The following NCOR1 variants were observed in gnomAD, a reference collection of about 807,000 sequenced individuals.
The protein encoded by NCOR1 is nuclear receptor corepressor 1.
NCOR1 carries 63 observed loss-of-function variants against 288.1 expected under a neutral mutation model. The observed-to-expected ratio is 0.22, with a 90% CI of 0.18 to 0.27. The LOEUF is 0.27. Among genes scored for constraint, NCOR1 ranks in the 10% least tolerant of loss-of-function variants. The probability of loss-of-function intolerance (pLI) is 1.00; values close to 1 mark genes in which losing one functional copy is unlikely to be tolerated. For synonymous variants in NCOR1, 1,007 were observed against 1,065.9 expected (o/e 0.94, Z 1.08); for missense variants, 2,397 against 3,019.2 (o/e 0.79, Z 4.83).
Position 16,048,942 on chromosome 17 carries a change from AG to A in NCOR1, c.6438del (p.Tyr2147ThrfsTer42). On this transcript the variant is annotated frameshift_variant, in exon 41 of 46. Transcript: ENST00000268712. LOFTEE classifies it high-confidence loss of function. ...ACCTGGGGTGGGGAGATGGGCTCGT[AG>A]GGCTCCGAAGAGACGTGACTCCTCT... Reference protein sequence around the residue: ...SPERSHVSSEPYEPISPPQVP... With the variant: ...SPERSHVSSEXYEPISPPQVP... 6.2e-7 allele frequency: 1 copy of A among 1,613,484 alleles called. No homozygotes were observed. Among genetic ancestry groups the A allele is most frequent in the Non-Finnish European group, 8.5e-7 (1 of 1,179,570 alleles).
chr17:16,152,484 C>T (rs1291404040), intron 7 of NCOR1, among the ~76,000 whole-genome samples: 3 of 152,178 alleles, frequency 2.0e-5, no homozygotes, highest in Non-Finnish European at 2.9e-5. Context: ...GACATGAACT[C>T]ATCCTTTTTT....
intron 44 of NCOR1, among the ~76,000 whole-genome samples, chr17:16,035,415 A>G (rs150897582): frequency 3.3e-4 from 50 of 152,276 alleles, no homozygotes; most frequent in African/African-American, 1.2e-3. Context: ...TTCAATCTCA[A>G]GAAACCACTT....
chr17:16,142,213 T>A (rs115498847), intron 11 of NCOR1, among the ~76,000 whole-genome samples: 3 of 152,202 alleles, frequency 2.0e-5, no homozygotes, highest in Non-Finnish European at 2.9e-5. Context: ...ATGTGCTAAG[T>A]AGTATGAAAA....
chr17:16,093,816 G>A (rs1277208956), intron 21 of NCOR1, among the ~76,000 whole-genome samples: 1 of 152,102 alleles, frequency 6.6e-6, no homozygotes, highest in East Asian at 1.9e-4. Flanking sequence ...GTCTAATTAA[G>A]AAGACACTCC....
At position 16,065,584 on chromosome 17, in the gene NCOR1, T is replaced by G; in HGVS notation, c.4852A>C (p.Ile1618Leu). The G allele has an allele frequency of 6.2e-7, 1 of 1,614,234 alleles. No individual in the cohort carries two copies. Among genetic ancestry groups the G allele is most frequent in the Non-Finnish European group, 8.5e-7 (1 of 1,180,044 alleles). Residue 1618 changes from isoleucine (I) to leucine (L), a missense_variant, in exon 33 of 46, where the codon ATT (isoleucine) becomes CTT (leucine). Ile to Leu is a conservative substitution (Grantham distance 5). This residue lies in a region of NCOR1 where 1,872 missense variants were observed against 2,187.8 expected (regional missense o/e 0.86). Coordinates refer to ENST00000268712, the MANE Select transcript of NCOR1 (RefSeq NM_006311.4). ...NTRQTILNDY[I>L]TSQQMQVNLR... ...TTCACTTGCATCTGTTGTGAGGTAA[T>G]GTAATCATTTAAGATTGTCTGTCTT...
In NCOR1 at chr17:16,121,092, A is replaced by G. The variant is rs1189401993; in HGVS notation, c.1812T>C (p.Thr604=). 6.2e-7 allele frequency: 1 copy of G among 1,614,000 alleles called. No individual in the cohort carries two copies. The highest frequency in any genetic ancestry group is 8.5e-7 in the Non-Finnish European group (1 of 1,180,012). The change falls in exon 16 of 46, where the codon ACT becomes ACC. Residue 604 remains threonine, a synonymous_variant. Transcript: ENST00000268712. ...AAASAAAAAA[T]EEPPPPLPPP... ...GTGGCAGAGGTGGTGGGGGCTCTTC[A>G]GTAGCCGCTGCGGCTGCAGCACTGG...
chr17:16,063,697 G>A (rs1481398368), intron 35 of NCOR1, among the ~76,000 whole-genome samples: 1 of 152,104 alleles, frequency 6.6e-6, no homozygotes, highest in African/African-American at 2.4e-5. Flanking sequence ...TGCTACACAA[G>A]CTGCTAACTG....
chr17:16,157,430 C>A (rs1221239583), intron 6 of NCOR1, among the ~76,000 whole-genome samples: 1 of 152,142 alleles, frequency 6.6e-6, no homozygotes, highest in Admixed American at 6.5e-5. Flanking sequence ...ACATGTATAT[C>A]TAAATCCAAG....
intron 15 of NCOR1, among the ~76,000 whole-genome samples, chr17:16,125,431 G>A (rs76584509): frequency 1.3e-5 from 2 of 151,906 alleles, no homozygotes; most frequent in African/African-American, 2.4e-5. Flanking sequence ...TAGGCTGGGC[G>A]CAGTGGCTCA....
chr17:16,180,669 G>A (rs1029834200), intron 3 of NCOR1, among the ~76,000 whole-genome samples: 1 of 151,952 alleles, frequency 6.6e-6, no homozygotes, highest in Non-Finnish European at 1.5e-5. Flanking sequence ...GATCATTTGA[G>A]CCTGGGAGGT....
chr17:16,119,299 A>T, intron 17 of NCOR1, 124 bp downstream of exon 17: 1 of 635,230 alleles, frequency 1.6e-6, no homozygotes, highest in Non-Finnish European at 2.7e-6. Flanking sequence ...GTCACTTCTG[A>T]GTCCTCTTTG....
At position 16,048,931 on chromosome 17, in the gene NCOR1, G is replaced by A. The variant is rs547647608; in HGVS notation, c.6450C>T (p.Ile2150=). The A allele has an allele frequency of 1.2e-6, 2 of 1,613,950 alleles. No individual in the cohort carries two copies. The highest frequency in any genetic ancestry group is 4.5e-5 in the East Asian group (2 of 44,876). The part of the protein sequence containing the change: ...SHVSSEPYEP[I]SPPQVPVVHE... ...GCACAACCGGAACCTGGGGTGGGGA[G>A]ATGGGCTCGTAGGGCTCCGAAGAGA... Residue 2150 remains isoleucine, a synonymous_variant, in exon 41 of 46, where the codon ATC becomes ATT. Transcript: ENST00000268712.
At chr17:16,071,310 G>A (rs2061736630) in intron 30 of NCOR1, 99 bp downstream of exon 30, 2 of 1,478,746 alleles carry the variant, frequency 1.4e-6, no homozygotes, top group East Asian at 2.3e-5. Flanking sequence ...ACTTCCAGGA[G>A]GTCTGACATC....
chr17:16,155,379 A>ACACC (rs2079580857), intron 6 of NCOR1, among the ~76,000 whole-genome samples: 1 of 151,140 alleles, frequency 6.6e-6, no homozygotes, highest in African/African-American at 2.4e-5. Flanking sequence ...ATACACACAC[A>ACACC]CACACACACA....
At chr17:16,050,570 T>G (rs2059191714) in intron 40 of NCOR1, among the ~76,000 whole-genome samples, 1 of 152,190 alleles carries the variant, frequency 6.6e-6, no homozygotes, top group African/African-American at 2.4e-5. Context: ...AAGCCACCTG[T>G]GACTTTCAAC....
intron 3 of NCOR1, among the ~76,000 whole-genome samples, chr17:16,183,230 C>CAAAAAAAAAAAAAAAAAAAAAAAAAAAAA (rs59665102): frequency 6.8e-4 from 43 of 63,594 alleles, no homozygotes; most frequent in Middle Eastern, 0.014. Context: ...AGCAATCAAA[C>CAAAAAAAAAAAAAAAAAAAAAAAAAAAAA]AAAAAAAAAA....
At chr17:16,184,026 G>A (rs2086085778) in intron 3 of NCOR1, among the ~76,000 whole-genome samples, 1 of 152,110 alleles carries the variant, frequency 6.6e-6, no homozygotes, top group Admixed American at 6.6e-5. Context: ...TAGATATCCA[G>A]ATGCAAAGGA....
chr17:16,059,910 T>C lies in NCOR1; in HGVS notation c.5882-1311A>G, dbSNP rs111905433. 5.4e-4 allele frequency among the ~76,000 whole-genome samples: 82 copies of C among 152,288 alleles called. 1 individual carries two copies. Among genetic ancestry groups the C allele is most frequent in the African/African-American group, 1.9e-3 (79 of 41,556 alleles). ...TTGATAAATGGAACAGAAATGATCA[T>C]TGAGAAACTAAAATAAATCACTATA... On this transcript the variant is annotated intron_variant, in intron 37 of 45. Transcript: ENST00000268712.
chr17:16,066,316 T>C (rs2061117698), intron 32 of NCOR1, among the ~76,000 whole-genome samples: 1 of 152,208 alleles, frequency 6.6e-6, no homozygotes, highest in African/African-American at 2.4e-5. Context: ...AATAAAACTT[T>C]ATTTACAAAC....
Sources: gnomAD v4.1 joint callset for allele counts (sites outside exome capture counted in the v4.1 genomes callset) on GRCh38, gnomAD v4.1.1 for gene constraint, gnomAD v4.1.1 regional missense constraint, MANE v1.5 for transcripts, NCBI Gene and HGNC (gene_info 2026-07-23, HGNC 2026-07-21) for gene names.